CRLF2: variants seen among roughly 807,000 people sequenced by gnomAD.
CRLF2 encodes the protein cytokine receptor like factor 2, also known as cytokine receptor-like factor 2.
In CRLF2, 41 loss-of-function variants were observed where a neutral mutation model predicts 38.7. That is an observed-to-expected ratio of 1.06 (90% CI 0.83 to 1.37). The LOEUF is 1.37. CRLF2 is among the 40% of genes most tolerant of loss of function. The pLI is 0.00. For synonymous variants in CRLF2, 140 were observed against 128.8 expected, an observed-to-expected ratio of 1.09 and a Z score of -0.59; for missense variants, 377 against 322.2, an observed-to-expected ratio of 1.17 and a Z score of -1.30.
chrX:1,196,024 A>T (rs1475734368), intron 6 of CRLF2, among the ~76,000 whole-genome samples: 1 of 142,528 alleles, frequency 7.0e-6, no homozygotes. Flanking sequence ...AAATATAAAT[A>T]TATATAATTA....
At chrX:1,197,907 C>T (rs1410860523) in intron 5 of CRLF2, among the ~76,000 whole-genome samples, 3 of 151,980 alleles carry the variant, frequency 2.0e-5, no homozygotes, top group Non-Finnish European at 2.9e-5. Flanking sequence ...GAGGCTGAGG[C>T]GGGAGAATCG....
At chrX:1,207,577 T>C (rs2147851384) in intron 2 of CRLF2, among the ~76,000 whole-genome samples, 1 of 141,050 alleles carries the variant, frequency 7.1e-6, no homozygotes, top group South Asian at 2.2e-4. Context: ...ACTGCCCCTT[T>C]TACAGAGGAA....
chrX:1,198,754 C>G, intron 4 of CRLF2, 30 bp from the exon 5 acceptor site: 1 of 1,341,534 alleles, frequency 7.5e-7, no homozygotes, highest in Non-Finnish European at 1.0e-6. Flanking sequence ...CACACACACA[C>G]ACACACACAC....
chrX:1,212,438 A>T, intron 1 of CRLF2, 118 bp downstream of exon 1: 1 of 463,684 alleles, frequency 2.2e-6, no homozygotes, highest in Non-Finnish European at 3.8e-6. Flanking sequence ...AAAAAAAAAA[A>T]GAAAAGAAGA....
At chrX:1,208,990 CAG>C (rs1381887301) in intron 1 of CRLF2, 82 bp from the exon 2 acceptor site, 12 of 841,700 alleles carry the variant, frequency 1.4e-5, no homozygotes, top group African/African-American at 5.2e-5. Flanking sequence ...CTTTTTGAGA[CAG>C]AGTCTCACTC....
At chrX:1,196,935 A>G (rs1190495656) in intron 5 of CRLF2, 35 bp from the exon 6 acceptor site, 1 of 1,607,382 alleles carries the variant, frequency 6.2e-7, no homozygotes, top group South Asian at 1.1e-5. Flanking sequence ...GTCAGTTTTC[A>G]ACATGACGTG....
At position 1,190,505 on chromosome X, in the gene CRLF2, A is replaced by T; in HGVS notation, c.*392T>A. The T allele has an allele frequency of 3.9e-6, 1 of 253,484 alleles. No homozygotes were observed. The highest frequency in any genetic ancestry group is 7.5e-6 in the Non-Finnish European group (1 of 134,222). 15.7% of individuals were successfully genotyped at this position (253,484 alleles called of 1,614,324 possible). A position where few individuals can be genotyped will look rare whatever the true frequency, so the allele number is the denominator to read the frequency against. ...GTGAGACTCTGTCTCAAAACAGACA[A>T]AAAATCCTCCGAGAATCCAATGCTA... On this transcript the variant is annotated 3_prime_UTR_variant, in exon 8 of 8. Transcript: ENST00000400841.
chrX:1,198,597 G>C lies in CRLF2; in HGVS notation c.611C>G (p.Ser204Ter). Reference protein sequence around the residue: ...YGPDTYPSDWSEVTCWQRGEI... With the variant: ...YGPDTYPSDW ...GCCTCTCTGCCAGCATGTCACCTCT[G>C]ACCAGTCGCTTGGGTATGTGTCTGG... Residue 204 changes from serine (S) to a stop codon, truncating the protein, a stop_gained, in exon 5 of 8, where the codon TCA (serine) becomes TGA (stop). Transcript: ENST00000400841. LOFTEE classifies it high-confidence loss of function. The C allele has an allele frequency of 1.2e-6, 2 of 1,613,702 alleles. No homozygotes were observed. The highest frequency in any genetic ancestry group is 1.7e-6 in the Non-Finnish European group (2 of 1,179,714).
chrX:1,212,418 G>GGA (rs2086819941), intron 1 of CRLF2, 138 bp downstream of exon 1: 1 of 429,020 alleles, frequency 2.3e-6, no homozygotes, highest in East Asian at 3.6e-5. Flanking sequence ...CTTGAACCCG[G>GGA]AAAAAAAAAA....
At chrX:1,192,615 CTTCT>C (rs1163807976) in intron 7 of CRLF2, among the ~76,000 whole-genome samples, 1 of 150,074 alleles carries the variant, frequency 6.7e-6, no homozygotes, top group Non-Finnish European at 1.5e-5. Context: ...TCTTTCTTTC[CTTCT>C]TTCTCTCTCT....
At chrX:1,200,892 T>C (rs1259599509) in intron 4 of CRLF2, among the ~76,000 whole-genome samples, 2 of 86,194 alleles carry the variant, frequency 2.3e-5, no homozygotes, top group East Asian at 4.6e-4. Context: ...TAGGTAGATA[T>C]ACAGTCATGC....
In CRLF2 at chrX:1,198,634, C is replaced by T; in HGVS notation, c.574G>A (p.Asp192Asn). Residue 192 changes from aspartate (D) to asparagine (N), a missense_variant, in exon 5 of 8, where the codon GAT (aspartate) becomes AAT (asparagine). By Grantham distance (23) the Asp-to-Asn change is conservative. Transcript: ENST00000400841. ...SFWVRVKAMEDVYGPDTYPSD... is the reference protein window; with the variant it reads ...SFWVRVKAMENVYGPDTYPSD... ...GGGTATGTGTCTGGCCCATATACAT[C>T]CTCCATAGCCTTCACCCTGACCCAG... 1.2e-6 allele frequency: 2 copies of T among 1,613,554 alleles called. No individual in the cohort carries two copies. The highest frequency in any genetic ancestry group is 1.7e-6 in the Non-Finnish European group (2 of 1,179,664).
chrX:1,205,777 A>C (rs1468558458), intron 3 of CRLF2, among the ~76,000 whole-genome samples: 1 of 152,024 alleles, frequency 6.6e-6, no homozygotes, highest in Non-Finnish European at 1.5e-5. Flanking sequence ...ACTGAAAAGC[A>C]TGGTGAGCTT....
intron 5 of CRLF2, among the ~76,000 whole-genome samples, chrX:1,198,340 G>A (rs1165148885): frequency 3.8e-5 from 2 of 52,718 alleles, no homozygotes; most frequent in African/African-American, 1.7e-4. Flanking sequence ...CTCCCACCTC[G>A]AAGGCAGGAC....
At chrX:1,202,655 G>T in intron 3 of CRLF2, 120 bp from the exon 4 acceptor site, 1 of 1,156,720 alleles carries the variant, frequency 8.6e-7, no homozygotes, top group Non-Finnish European at 1.3e-6. Context: ...TGGTGTCTCG[G>T]GGTTCACCCG....
rs768364719 is a variant in CRLF2, at chrX:1,206,428, C to CT, written c.349+4dup. ...AGCATGGTGAGCTGGCTTTACAATA[C>CT]TTACGGTAATAAACCATCCAGCGAC... is the stretch of plus-strand genomic sequence containing the variant. On this transcript the variant is annotated splice_donor_region_variant and intron_variant, in intron 3 of 7. Transcript: ENST00000400841. 52 of 1,612,840 alleles carry CT rather than the reference C, an allele frequency of 3.2e-5. No individual in the cohort carries two copies. Among genetic ancestry groups the CT allele is most frequent in the Admixed American group, 6.7e-5 (4 of 59,956 alleles).
chrX:1,197,523 C>T (rs1409216449), intron 5 of CRLF2, among the ~76,000 whole-genome samples: 4 of 151,900 alleles, frequency 2.6e-5, no homozygotes, highest in African/African-American at 9.7e-5. Flanking sequence ...CCCCTGAAAA[C>T]ATACGTCAAA....
At chrX:1,191,863 C>T (rs1248966514) in intron 7 of CRLF2, among the ~76,000 whole-genome samples, 1 of 152,002 alleles carries the variant, frequency 6.6e-6, no homozygotes, top group Non-Finnish European at 1.5e-5. Flanking sequence ...CTCCAACAGA[C>T]TGACGGACTC....
In CRLF2 at chrX:1,198,594, T is replaced by C; in HGVS notation, c.614A>G (p.Glu205Gly). ...GPDTYPSDWS[E>G]VTCWQRGEIR... ...CTCGCCTCTCTGCCAGCATGTCACC[T>C]CTGACCAGTCGCTTGGGTATGTGTC... Residue 205 changes from glutamate to glycine, a missense_variant, in exon 5 of 8, where the codon GAG (glutamate) becomes GGG (glycine). By Grantham distance (98) the Glu-to-Gly change is moderately conservative. Transcript: ENST00000400841. The C allele has an allele frequency of 6.2e-7, 1 of 1,613,726 alleles. No individual in the cohort carries two copies. Among genetic ancestry groups the C allele is most frequent in the African/African-American group, 1.3e-5 (1 of 75,016 alleles).
Sources: gnomAD v4.1 joint callset for allele counts (sites outside exome capture counted in the v4.1 genomes callset) on GRCh38, gnomAD v4.1.1 for gene constraint, MANE v1.5 for transcripts, NCBI Gene and HGNC (gene_info 2026-07-23, HGNC 2026-07-21) for gene names.